The following CFH variants were observed in gnomAD, a reference collection of about 807,000 sequenced individuals.
CFH encodes complement factor H.
Under a neutral mutation model 147.3 loss-of-function variants are expected in CFH, and 53 were observed. That is an observed-to-expected ratio of 0.36 (90% CI 0.29 to 0.45). The LOEUF is 0.45. Among genes scored for constraint, CFH ranks in the 20% least tolerant of loss-of-function variants. CFH has a pLI of 1.00. For synonymous variants in CFH, 536 were observed against 489.4 expected, an observed-to-expected ratio of 1.10 and a Z score of -1.26; for missense variants, 1,380 against 1,498.0, an observed-to-expected ratio of 0.92 and a Z score of 1.30.
At chr1:196,693,242 T>C (rs1265373297) in intron 9 of CFH, among the ~76,000 whole-genome samples, 1 of 152,064 alleles carries the variant, frequency 6.6e-6, no homozygotes. Context: ...TTGGAGTGTA[T>C]CCTTTATGAA....
chr1:196,715,523 A>C (rs1235533277), intron 10 of CFH, 70 bp from the exon 11 acceptor site: 1 of 1,253,676 alleles, frequency 8.0e-7, no homozygotes, highest in East Asian at 2.3e-5. Context: ...TTTTCTTCTT[A>C]GAATGGGAAA....
At chr1:196,664,957 TCA>T (rs1315929803) in intron 1 of CFH, among the ~76,000 whole-genome samples, 2 of 151,862 alleles carry the variant, frequency 1.3e-5, no homozygotes, top group Non-Finnish European at 2.9e-5. Context: ...CATTTATATT[TCA>T]GTTTTATTTA....
intron 9 of CFH, among the ~76,000 whole-genome samples, chr1:196,697,469 C>T (rs1668312875): frequency 6.6e-6 from 1 of 152,114 alleles, no homozygotes; most frequent in Non-Finnish European, 1.5e-5. Context: ...CCATCTCACA[C>T]CAGTTAGAAT....
intron 9 of CFH, among the ~76,000 whole-genome samples, chr1:196,708,200 A>G (rs935854587): frequency 2.0e-5 from 3 of 152,206 alleles, no homozygotes; most frequent in Non-Finnish European, 4.4e-5. Context: ...TGCCACTGGA[A>G]GAAACTTACC....
intron 11 of CFH, among the ~76,000 whole-genome samples, chr1:196,723,352 T>C (rs1412707335): frequency 2.0e-5 from 3 of 152,180 alleles, no homozygotes; most frequent in Non-Finnish European, 4.4e-5. Flanking sequence ...TGGTTAGAGA[T>C]AACTTTTGTA....
chr1:196,671,000 T>C (rs1244567082), intron 1 of CFH, among the ~76,000 whole-genome samples: 1 of 152,192 alleles, frequency 6.6e-6, no homozygotes, highest in Non-Finnish European at 1.5e-5. Flanking sequence ...TATACACTTT[T>C]GTCTTTCTAT....
chr1:196,703,910 G>A (rs946236617), intron 9 of CFH, among the ~76,000 whole-genome samples: 1 of 147,106 alleles, frequency 6.8e-6, no homozygotes, highest in African/African-American at 2.5e-5. Flanking sequence ...CGTGAATCGG[G>A]GAGGCAGAGC....
chr1:196,724,472 G>A (rs569018857), intron 11 of CFH, among the ~76,000 whole-genome samples: 1 of 151,994 alleles, frequency 6.6e-6, no homozygotes. Context: ...AGACAGAAGA[G>A]CTCTCTGATG....
chr1:196,653,210 T>C lies in CFH; in HGVS notation c.58+1035T>C, dbSNP rs16840381. 3.8e-3 allele frequency among the ~76,000 whole-genome samples: 583 copies of C among 151,938 alleles called. 16 individuals carry two copies. Among genetic ancestry groups the C allele is most frequent in the East Asian group, 0.033 (171 of 5,178 alleles). On this transcript the variant is annotated intron_variant, in intron 1 of 21. Transcript: ENST00000367429. Reference sequence around the variant, plus strand: ...GTAATTTAAAAAATATTCAAATATGTTTAATACCTTTTGAAAGGTTGAATT... The same window carrying C: ...GTAATTTAAAAAATATTCAAATATGCTTAATACCTTTTGAAAGGTTGAATT...
intron 11 of CFH, among the ~76,000 whole-genome samples, chr1:196,722,094 T>C (rs1468249787): frequency 6.6e-6 from 1 of 152,074 alleles, no homozygotes; most frequent in Non-Finnish European, 1.5e-5. Flanking sequence ...ATGTTAGTTG[T>C]TACCTAGCTG....
chr1:196,671,406 T>C (rs1667271729), intron 1 of CFH, among the ~76,000 whole-genome samples: 1 of 152,054 alleles, frequency 6.6e-6, no homozygotes, highest in Non-Finnish European at 1.5e-5. Flanking sequence ...TTATATAACT[T>C]ACTCTCATCA....
Position 196,726,497 on chromosome 1 carries a change from C to T in CFH, c.1901C>T (p.Pro634Leu), listed in dbSNP as rs1456226595. 1 of 1,612,398 alleles carries T rather than the reference C, an allele frequency of 6.2e-7. No individual in the cohort carries two copies. The highest frequency in any genetic ancestry group is 1.1e-5 in the South Asian group (1 of 91,042). The change falls in exon 13 of 22, where the codon CCT (proline) becomes CTT (leucine). Residue 634 changes from proline (P) to leucine (L), a missense_variant. Pro to Leu is a moderately conservative substitution (Grantham distance 98). This residue lies in a region of CFH where 830 missense variants were observed against 821.4 expected (regional missense o/e 1.01). Coordinates refer to ENST00000367429, the MANE Select transcript of CFH (RefSeq NM_000186.4). ...CAAGTACAATCATGTGGTCCACCTC[C>T]TGAACTCCTCAATGGGAATGTTAAG... ...KEQVQSCGPPPELLNGNVKEK... is the reference protein window; with the variant it reads ...KEQVQSCGPPLELLNGNVKEK...
At position 196,743,741 on chromosome 1, in the gene CFH, A is replaced by G. The variant is rs186009355; in HGVS notation, c.3310+113A>G. The G allele has an allele frequency of 2.2e-3, 3,224 of 1,446,812 alleles. 21 individuals carry two copies. The highest frequency in any genetic ancestry group is 0.011 in the South Asian group (936 of 85,228). 89.6% of individuals were successfully genotyped at this position (1,446,812 alleles called of 1,614,324 possible). ...AATAGATTTTTCAAATGCAAATAAAATGACTGATGGTGCTTAAAATTCAAT... is the reference window on the plus strand; with the variant it reads ...AATAGATTTTTCAAATGCAAATAAAGTGACTGATGGTGCTTAAAATTCAAT... On this transcript the variant is annotated intron_variant, in intron 20 of 21. Coordinates refer to ENST00000367429, the MANE Select transcript of CFH (RefSeq NM_000186.4).
chr1:196,672,827 C>A, intron 1 of CFH, 151 bp from the exon 2 acceptor site: 1 of 615,010 alleles, frequency 1.6e-6, no homozygotes, highest in Non-Finnish European at 2.9e-6. Flanking sequence ...ATGTTTACTC[C>A]ATAGATATGG....
chr1:196,725,200 G>A lies in CFH; in HGVS notation c.1776G>A (p.Val592=), dbSNP rs1275694024. ...RKKDQYKVGE[V]LKFSCKPGFT... is the part of the protein sequence containing the mutation. ...AAGACCAGTATAAAGTTGGAGAGGT[G>A]TTGAAATTCTCCTGCAAACCAGGAT... The change falls in exon 12 of 22, where the codon GTG becomes GTA. Residue 592 remains valine (V), a synonymous_variant. Coordinates refer to ENST00000367429, the MANE Select transcript of CFH (RefSeq NM_000186.4). The A allele has an allele frequency of 2.5e-6, 4 of 1,613,784 alleles. No individual in the cohort carries two copies. The South Asian group carries it at 4.4e-5, about 18-fold the overall frequency.
intron 2 of CFH, 38 bp from the exon 3 acceptor site, chr1:196,673,819 T>C: frequency 1.6e-6 from 2 of 1,214,284 alleles, no homozygotes; most frequent in Non-Finnish European, 2.5e-6. Flanking sequence ...TATTCCTTGC[T>C]ATTACATACT....
At chr1:196,671,901 T>C (rs995866017) in intron 1 of CFH, among the ~76,000 whole-genome samples, 3 of 150,124 alleles carry the variant, frequency 2.0e-5, no homozygotes, top group Non-Finnish European at 4.4e-5. Flanking sequence ...GCTTTTATTA[T>C]ATATAAATAA....
chr1:196,702,451 C>A (rs1386808277), intron 9 of CFH, among the ~76,000 whole-genome samples: 1 of 151,384 alleles, frequency 6.6e-6, no homozygotes, highest in Non-Finnish European at 1.5e-5. Flanking sequence ...TCTCCACTTC[C>A]AACCTACTTA....
chr1:196,733,132 C>A (rs1181203658), intron 15 of CFH, among the ~76,000 whole-genome samples: 1 of 151,942 alleles, frequency 6.6e-6, no homozygotes, highest in Non-Finnish European at 1.5e-5. Flanking sequence ...ATGGATAAAT[C>A]TGAATTTATC....
Sources: gnomAD v4.1 joint callset for allele counts (sites outside exome capture counted in the v4.1 genomes callset) on GRCh38, gnomAD v4.1.1 for gene constraint, gnomAD v4.1.1 regional missense constraint, MANE v1.5 for transcripts, NCBI Gene and HGNC (gene_info 2026-07-23, HGNC 2026-07-21) for gene names.